PCDH7: variants seen among roughly 807,000 people sequenced by gnomAD.
The protein encoded by PCDH7 is protocadherin-7.
A neutral mutation model predicts 58.9 loss-of-function variants in PCDH7; 17 were observed. That is an observed-to-expected ratio of 0.29 (90% CI 0.20 to 0.43). PCDH7 has a LOEUF of 0.43. PCDH7 is among the 20% of genes least tolerant of loss of function. PCDH7 has a pLI of 1.00. For missense variants in PCDH7, 1,274 were observed against 1,441.0 expected (o/e 0.88, Z 1.88); for synonymous variants, 664 against 616.4 (o/e 1.08, Z -1.14).
chr4:30,957,637 C>G (rs929467132), intron 3 of PCDH7, among the ~76,000 whole-genome samples: 2 of 151,968 alleles, frequency 1.3e-5, no homozygotes, highest in Non-Finnish European at 2.9e-5. Context: ...GATTTGTTCC[C>G]CAATAAGGCA....
At chr4:31,027,475 T>A (rs1022549135) in intron 3 of PCDH7, among the ~76,000 whole-genome samples, 2 of 152,196 alleles carry the variant, frequency 1.3e-5, no homozygotes, top group African/African-American at 4.8e-5. Flanking sequence ...CAGCCTGGAT[T>A]GCAGTGATGC....
Position 30,721,959 on chromosome 4 carries a change from C to G in PCDH7, c.537C>G (p.Arg179=). Reference sequence around the variant, plus strand: ...ACTTCGGCCGCAACGGCATCGAGCGCTACGAGCTGCTCCAGGAGCCCGGAG... The same window carrying G: ...ACTTCGGCCGCAACGGCATCGAGCGGTACGAGCTGCTCCAGGAGCCCGGAG... The change falls in exon 1 of 2, where the codon CGC becomes CGG. Residue 179 remains arginine, a synonymous_variant. Transcript: ENST00000361762. The surrounding 1 kb of genome is among the most constrained non-coding windows in gnomAD (Gnocchi z 6.7). 6.5e-7 allele frequency: 1 copy of G among 1,529,330 alleles called. No homozygotes were observed. Among genetic ancestry groups the G allele is most frequent in the Non-Finnish European group, 8.7e-7 (1 of 1,145,222 alleles). 94.7% of individuals were successfully genotyped at this position (1,529,330 alleles called of 1,614,324 possible). A position where few individuals can be genotyped will look rare whatever the true frequency, so the allele number is the denominator to read the frequency against.
intron 1 of PCDH7, among the ~76,000 whole-genome samples, chr4:30,824,121 T>TTCTTTCTTTC (rs1728769766): frequency 2.1e-5 from 3 of 146,296 alleles, no homozygotes; most frequent in Non-Finnish European, 4.5e-5. Context: ...CTTTCTTTCT[T>TTCTTTCTTTC]TCTTTCTTTC....
chr4:30,880,734 C>T (rs146196792), intron 1 of PCDH7, among the ~76,000 whole-genome samples: 2,374 of 152,178 alleles, frequency 0.016, 27 homozygotes, highest in Middle Eastern at 0.044. Flanking sequence ...CAAATAGTTT[C>T]CTTTTTGAGA....
At chr4:31,056,701 A>G (rs1307540540) in intron 3 of PCDH7, among the ~76,000 whole-genome samples, 3 of 151,844 alleles carry the variant, frequency 2.0e-5, no homozygotes, top group Non-Finnish European at 4.4e-5. Context: ...AGACAGCAAG[A>G]GAGAAAGAGA....
intron 2 of PCDH7, among the ~76,000 whole-genome samples, chr4:30,929,494 T>C (rs1215450231): frequency 6.6e-6 from 1 of 152,142 alleles, no homozygotes; most frequent in East Asian, 1.9e-4. Flanking sequence ...AATGAGAAAA[T>C]ATCTGAAATG....
At chr4:30,899,102 A>G (rs1164926987) in intron 1 of PCDH7, among the ~76,000 whole-genome samples, 2 of 152,174 alleles carry the variant, frequency 1.3e-5, no homozygotes, top group African/African-American at 4.8e-5. Flanking sequence ...GTGTGTTTAT[A>G]GGATAGGAAT....
chr4:30,949,192 A>G (rs1248355788), intron 2 of PCDH7, among the ~76,000 whole-genome samples: 1 of 152,156 alleles, frequency 6.6e-6, no homozygotes, highest in Non-Finnish European at 1.5e-5. Context: ...TAAAATACAC[A>G]TCTATTTTTG....
intron 3 of PCDH7, among the ~76,000 whole-genome samples, chr4:31,141,786 A>G (rs1317937740): frequency 6.6e-6 from 1 of 152,132 alleles, no homozygotes; most frequent in African/African-American, 2.4e-5. Flanking sequence ...ATGTGAACAC[A>G]TCAGCACATA....
chr4:31,033,078 A>C (rs1755097103), intron 3 of PCDH7, among the ~76,000 whole-genome samples: 1 of 152,208 alleles, frequency 6.6e-6, no homozygotes, highest in Admixed American at 6.5e-5. Flanking sequence ...TGGAATGAGT[A>C]ATTTTAAAGT....
intron 1 of PCDH7, among the ~76,000 whole-genome samples, chr4:30,762,377 T>C (rs948294310): frequency 1.3e-5 from 2 of 152,154 alleles, no homozygotes; most frequent in African/African-American, 2.4e-5. Context: ...ACTGATCCAA[T>C]ATGCAATAAA....
intron 1 of PCDH7, among the ~76,000 whole-genome samples, chr4:30,912,831 C>T (rs1217148229): frequency 1.3e-5 from 2 of 152,062 alleles, no homozygotes; most frequent in Non-Finnish European, 2.9e-5. Context: ...TAGCCTTGTG[C>T]TATATTTTCT....
chr4:30,801,093 A>G (rs73213192), intron 1 of PCDH7, among the ~76,000 whole-genome samples: 16,759 of 152,256 alleles, frequency 0.11, 1,221 homozygotes, highest in Non-Finnish European at 0.16. Flanking sequence ...CTGACCTTGG[A>G]GACAGATCAA....
chr4:30,995,943 C>T (rs1751857685), intron 3 of PCDH7, among the ~76,000 whole-genome samples: 1 of 152,112 alleles, frequency 6.6e-6, no homozygotes, highest in South Asian at 2.1e-4. Flanking sequence ...GGTGATCAGC[C>T]ACTTTGATCC....
At chr4:31,047,463 C>T (rs1229372738) in intron 3 of PCDH7, among the ~76,000 whole-genome samples, 1 of 152,016 alleles carries the variant, frequency 6.6e-6, no homozygotes, top group Non-Finnish European at 1.5e-5. Flanking sequence ...GTCATAGGAG[C>T]CGCCATCCCT....
At chr4:30,731,526 T>C (rs1439459062) in exon 2 of PCDH7, 1 of 152,208 alleles carries the variant, frequency 6.6e-6, no homozygotes, top group Non-Finnish European at 1.5e-5. Flanking sequence ...TTTTTGAATT[T>C]ATTTTTTAAT....
At chr4:30,848,193 A>G (rs145071820) in intron 1 of PCDH7, among the ~76,000 whole-genome samples, 1 of 152,258 alleles carries the variant, frequency 6.6e-6, no homozygotes, top group East Asian at 1.9e-4. Flanking sequence ...TGAAGATAGC[A>G]TCGGCAATCT....
chr4:30,795,071 A>T (rs969051082), intron 1 of PCDH7, among the ~76,000 whole-genome samples: 2 of 152,154 alleles, frequency 1.3e-5, no homozygotes, highest in African/African-American at 4.8e-5. Flanking sequence ...TTAAAAGGCG[A>T]ATTATTTAGA....
At chr4:30,999,676 C>T (rs1356274401) in intron 3 of PCDH7, among the ~76,000 whole-genome samples, 4 of 152,054 alleles carry the variant, frequency 2.6e-5, no homozygotes, top group Admixed American at 2.6e-4. Flanking sequence ...AATAGCAATG[C>T]ACTGTAATGT....
Sources: allele counts gnomAD v4.1 joint callset (sites outside exome capture counted in the v4.1 genomes callset), GRCh38; gene constraint gnomAD v4.1.1; non-coding constraint Gnocchi (gnomAD v3.1); transcripts MANE v1.5; gene names NCBI Gene and HGNC (gene_info 2026-07-23, HGNC 2026-07-21).